Variants in TMEM212 observed in about 807,000 individuals in gnomAD.
TMEM212 encodes transmembrane protein 212.
A neutral mutation model predicts 20.5 loss-of-function variants in TMEM212; 23 were observed. The ratio of observed to expected loss-of-function variants is 1.12; its 90% CI spans 0.81 to 1.59. The LOEUF is 1.59. Ranked by LOEUF, TMEM212 falls within the 40% of genes most tolerant of loss-of-function variation. The pLI is 0.00. For missense variants in TMEM212, 211 were observed against 215.0 expected (o/e 0.98, Z 0.12); for synonymous variants, 76 against 81.6 (o/e 0.93, Z 0.37).
intron 1 of TMEM212, among the ~76,000 whole-genome samples, chr3:171,844,018 T>C (rs1724776915): frequency 6.6e-6 from 1 of 152,222 alleles, no homozygotes; most frequent in South Asian, 2.1e-4. Context: ...CACCTTTCTC[T>C]TGCAAGCAAC....
chr3:171,848,628 AGAGTG>A lies in TMEM212; in HGVS notation c.160-3331_160-3327del, dbSNP rs1010079313. On this transcript the variant is annotated intron_variant, in intron 1 of 4. Transcript: ENST00000334567. ...AGAATAGAACAGAGGAGAACAGAGT[AGAGTG>A]GAGTGGAGTGGAGTGGAGTGGAATG... is the stretch of plus-strand genomic sequence containing the variant. Among the ~76,000 whole-genome samples, 155 of 152,268 alleles carry A rather than the reference AGAGTG, an allele frequency of 1.0e-3. 1 individual carries two copies. Among genetic ancestry groups the A allele is most frequent in the Middle Eastern group, 3.4e-3 (1 of 294 alleles).
chr3:171,856,589 G>C (rs1018370794), intron 3 of TMEM212, 74 bp from the exon 4 acceptor site: 1 of 585,388 alleles, frequency 1.7e-6, no homozygotes. Context: ...CTTTTACATG[G>C]GTGCCCCTCC....
rs116258822 is a variant in TMEM212 at position 171,856,758 on chromosome 3, A to G, written c.*3+51A>G. 6,656 of 594,746 alleles carry G rather than the reference A, an allele frequency of 0.011. 381 individuals carry two copies. The African/African-American group carries it at 0.11, about 10-fold the overall frequency. 36.8% of individuals were successfully genotyped at this position (594,746 alleles called of 1,614,324 possible). A position where few individuals can be genotyped will look rare whatever the true frequency, so the allele number is the denominator to read the frequency against. On this transcript the variant is annotated intron_variant, in intron 4 of 4. Coordinates refer to ENST00000334567, the MANE Select transcript of TMEM212 (RefSeq NM_001164436.2). ...GCCTGGGACCAGAATATAAAAGCAC[A>G]CAGATTAATAGAATTATAAAATTTA... is the stretch of plus-strand genomic sequence containing the variant.
intron 1 of TMEM212, among the ~76,000 whole-genome samples, chr3:171,850,689 T>C (rs940045951): frequency 2.6e-5 from 4 of 152,304 alleles, no homozygotes; most frequent in South Asian, 4.1e-4. Flanking sequence ...TCACCCTCCA[T>C]AGGGTCCCTT....
chr3:171,856,418 C>T (rs1218255271), intron 3 of TMEM212, among the ~76,000 whole-genome samples: 1 of 152,086 alleles, frequency 6.6e-6, no homozygotes, highest in Non-Finnish European at 1.5e-5. Flanking sequence ...AGAGGACTGC[C>T]CAACTCTCCC....
At chr3:171,856,640 G>T (rs1725124295) in intron 3 of TMEM212, 23 bp from the exon 4 acceptor site, 1 of 674,188 alleles carries the variant, frequency 1.5e-6, no homozygotes, top group Non-Finnish European at 2.7e-6. Context: ...TATCAAATTT[G>T]CTGTCTCTCA....
At chr3:171,848,580 G>GATAGAATAGAATAGAATAGAACAGA (rs1553852842) in intron 1 of TMEM212, among the ~76,000 whole-genome samples, 31 of 144,632 alleles carry the variant, frequency 2.1e-4, no homozygotes, top group African/African-American at 7.7e-4. Context: ...AATAGAATAG[G>GATAGAATAGAATAGAATAGAACAGA]ATAGAATAGA....
chr3:171,853,491 T>C, intron 2 of TMEM212, 36 bp from the exon 3 acceptor site: 2 of 1,506,146 alleles, frequency 1.3e-6, no homozygotes, highest in Non-Finnish European at 1.8e-6. Context: ...AATATTTTGT[T>C]CCCAAAGTAA....
intron 4 of TMEM212, among the ~76,000 whole-genome samples, chr3:171,857,433 T>C (rs1725146642): frequency 6.6e-6 from 1 of 152,184 alleles, no homozygotes; most frequent in Non-Finnish European, 1.5e-5. Context: ...CCTAAAGCTG[T>C]AAAACTACTG....
At chr3:171,848,609 G>GAATAGAATAGAATAGAATAGAATAGAAT (rs199987799) in intron 1 of TMEM212, among the ~76,000 whole-genome samples, 32 of 152,124 alleles carry the variant, frequency 2.1e-4, no homozygotes, top group African/African-American at 7.0e-4. Flanking sequence ...GAATAGAATA[G>GAATAGAATAGAATAGAATAGAATAGAAT]AACAGAGGAG....
intron 1 of TMEM212, among the ~76,000 whole-genome samples, chr3:171,849,762 G>T (rs1724928200): frequency 6.6e-6 from 1 of 152,096 alleles, no homozygotes; most frequent in Non-Finnish European, 1.5e-5. Context: ...CTCTACTTAG[G>T]CAATTTAAAG....
At chr3:171,854,502 C>T (rs1277267205) in intron 3 of TMEM212, among the ~76,000 whole-genome samples, 1 of 152,064 alleles carries the variant, frequency 6.6e-6, no homozygotes, top group Non-Finnish European at 1.5e-5. Context: ...ATTGAACACA[C>T]AAATAAATAA....
chr3:171,851,798 G>T (rs1057371653), intron 1 of TMEM212, among the ~76,000 whole-genome samples, 184 bp from the exon 2 acceptor site: 4 of 152,164 alleles, frequency 2.6e-5, no homozygotes, highest in African/African-American at 9.7e-5. Flanking sequence ...GACACTAATG[G>T]CTTACTTTCC....
intron 1 of TMEM212, among the ~76,000 whole-genome samples, chr3:171,844,658 A>G (rs1724792971): frequency 6.6e-6 from 1 of 152,184 alleles, no homozygotes; most frequent in Non-Finnish European, 1.5e-5. Flanking sequence ...GTGAGCCGAG[A>G]TCATACCACT....
chr3:171,853,583 T>G lies in TMEM212; in HGVS notation c.276T>G (p.Phe92Leu). 1 of 1,537,220 alleles carries G rather than the reference T, an allele frequency of 6.5e-7. No individual in the cohort carries two copies. Among genetic ancestry groups the G allele is most frequent in the Non-Finnish European group, 8.7e-7 (1 of 1,146,854 alleles). Residue 92 changes from phenylalanine (F) to leucine (L), a missense_variant, in exon 3 of 5, where the codon TTT (phenylalanine) becomes TTG (leucine). Phe to Leu is a conservative substitution (Grantham distance 22). Transcript: ENST00000334567. ...ILSIMGCPLH[F>L]AIALESALLG... Reference sequence around the variant, plus strand: ...GCATTATGGGATGTCCACTTCATTTTGCAATAGCCTTGGAATCTGCTCTCC... The same window carrying G: ...GCATTATGGGATGTCCACTTCATTTGGCAATAGCCTTGGAATCTGCTCTCC...
At chr3:171,848,392 C>A (rs1724885966) in intron 1 of TMEM212, among the ~76,000 whole-genome samples, 1 of 152,178 alleles carries the variant, frequency 6.6e-6, no homozygotes, top group Non-Finnish European at 1.5e-5. Context: ...ACAAGGCATA[C>A]CCCTATGCAT....
chr3:171,848,185 C>T (rs1166975030), intron 1 of TMEM212, among the ~76,000 whole-genome samples: 1 of 152,122 alleles, frequency 6.6e-6, no homozygotes, highest in African/African-American at 2.4e-5. Context: ...AACGTGCATA[C>T]AAATCATTAG....
chr3:171,855,150 C>T (rs558635287), intron 3 of TMEM212, among the ~76,000 whole-genome samples: 3 of 152,192 alleles, frequency 2.0e-5, no homozygotes, highest in African/African-American at 7.2e-5. Context: ...TTTTTAAATT[C>T]TATGACCTAT....
At chr3:171,844,742 G>A (rs1560324328) in intron 1 of TMEM212, among the ~76,000 whole-genome samples, 1 of 152,122 alleles carries the variant, frequency 6.6e-6, no homozygotes, top group Non-Finnish European at 1.5e-5. Flanking sequence ...TGTTGTGTGA[G>A]ATAGTATCTT....
Sources: allele counts gnomAD v4.1 joint callset (sites outside exome capture counted in the v4.1 genomes callset), GRCh38; gene constraint gnomAD v4.1.1; transcripts MANE v1.5; gene names NCBI Gene and HGNC (gene_info 2026-07-23, HGNC 2026-07-21).